The following INPP5A variants were observed in gnomAD, a reference collection of about 807,000 sequenced individuals.
INPP5A encodes 43 kDa inositol polyphosphate 5-phophatase.
Under a neutral mutation model 65.2 loss-of-function variants are expected in INPP5A, and 14 were observed. That is an observed-to-expected ratio of 0.21 (90% confidence interval 0.14 to 0.34). The LOEUF (loss-of-function observed/expected upper bound fraction) is 0.34, where lower values mean the gene tolerates loss of function less well. Among genes scored for constraint, INPP5A ranks in the 10% least tolerant of loss-of-function variants. INPP5A has a pLI of 1.00. For synonymous variants in INPP5A, 207 were observed against 208.3 expected, an observed-to-expected ratio of 0.99 and a Z score of 0.05; for missense variants, 431 against 545.6, an observed-to-expected ratio of 0.79 and a Z score of 2.09.
intron 1 of INPP5A, among the ~76,000 whole-genome samples, chr10:132,573,580 G>A (rs1410197465): frequency 5.3e-5 from 7 of 130,986 alleles, no homozygotes; most frequent in South Asian, 2.6e-4. Context: ...TGAGATGTTG[G>A]GGTGTGTGTG....
chr10:132,755,729 C>A (rs1217446238), intron 11 of INPP5A, among the ~76,000 whole-genome samples: 2 of 151,990 alleles, frequency 1.3e-5, no homozygotes, highest in Non-Finnish European at 2.9e-5. Flanking sequence ...TTTAGGCAGA[C>A]CCTAGCGGCA....
At chr10:132,606,608 C>T (rs1245936103) in intron 1 of INPP5A, among the ~76,000 whole-genome samples, 1 of 152,226 alleles carries the variant, frequency 6.6e-6, no homozygotes, top group East Asian at 1.9e-4. Context: ...ATTCAGTCTT[C>T]CTGCTTTTTA....
intron 1 of INPP5A, among the ~76,000 whole-genome samples, chr10:132,558,296 TG>T (rs2071154210): frequency 1.3e-5 from 2 of 152,156 alleles, no homozygotes; most frequent in African/African-American, 2.4e-5. Context: ...GAGCACGCTC[TG>T]GGGCTCTCCC....
At chr10:132,634,036 T>C (rs954695012) in intron 2 of INPP5A, among the ~76,000 whole-genome samples, 1 of 152,238 alleles carries the variant, frequency 6.6e-6, no homozygotes, top group Non-Finnish European at 1.5e-5. Context: ...TTTCAAAGAA[T>C]ACAGACCCTA....
chr10:132,756,080 T>G (rs1846603689), intron 11 of INPP5A, among the ~76,000 whole-genome samples: 1 of 152,050 alleles, frequency 6.6e-6, no homozygotes, highest in South Asian at 2.1e-4. Flanking sequence ...GATTTGCAGC[T>G]CAGAAGTAAA....
At chr10:132,737,146 G>A (rs1004889462) in intron 9 of INPP5A, among the ~76,000 whole-genome samples, 4 of 152,228 alleles carry the variant, frequency 2.6e-5, no homozygotes, top group South Asian at 2.1e-4. Context: ...TGCAGTCGGC[G>A]CAGCCCTCCA....
rs138330247 is a variant in INPP5A, at chr10:132,761,103, C to T, written c.904-4670C>T. 2.1e-3 allele frequency among the ~76,000 whole-genome samples: 324 copies of T among 152,336 alleles called. 2 individuals carry two copies. Among genetic ancestry groups the T allele is most frequent in the Middle Eastern group, 3.4e-3 (1 of 294 alleles). The stretch of plus-strand genomic sequence containing the variant: ...GCTGGGACCGCCAGGCTTCGTGCCA[C>T]GTCTGGTTCGACCTCGACTCCCTGG... On this transcript the variant is annotated intron_variant, in intron 11 of 15. Coordinates refer to ENST00000368594, the MANE Select transcript of INPP5A (RefSeq NM_005539.5).
chr10:132,596,935 G>GCACATGTGTGCGTGTGTGCGCA (rs2071705298), intron 1 of INPP5A, among the ~76,000 whole-genome samples: 5 of 26,028 alleles, frequency 1.9e-4, no homozygotes, highest in African/African-American at 4.0e-4. Context: ...GCATGTGCAC[G>GCACATGTGTGCGTGTGTGCGCA]CATGTGTGCG....
chr10:132,731,788 G>A lies in INPP5A; in HGVS notation c.732+4883G>A, dbSNP rs911320016. 5.3e-5 allele frequency among the ~76,000 whole-genome samples: 8 copies of A among 152,212 alleles called. No individual in the cohort carries two copies. In the South Asian group the frequency reaches 6.2e-4, roughly 12 times the overall value. ...GCAGAACTCAGTGTTCACACGAATC[G>A]GCAGAAGGAAAGCCGCATGTGCTCT... On this transcript the variant is annotated intron_variant, in intron 9 of 15. Transcript: ENST00000368594.
intron 9 of INPP5A, among the ~76,000 whole-genome samples, chr10:132,745,895 CGAG>C (rs1190214346): frequency 6.6e-6 from 1 of 152,186 alleles, no homozygotes. Flanking sequence ...TGGTGGCCCC[CGAG>C]GAGGAGTGTG....
intron 9 of INPP5A, among the ~76,000 whole-genome samples, chr10:132,738,794 C>T (rs893610428): frequency 2.6e-5 from 4 of 152,288 alleles, no homozygotes; most frequent in East Asian, 1.9e-4. Context: ...GGAGGCCACT[C>T]GGATGCTGAC....
chr10:132,576,123 C>T (rs974669185), intron 1 of INPP5A, among the ~76,000 whole-genome samples: 6 of 152,206 alleles, frequency 3.9e-5, no homozygotes, highest in African/African-American at 1.4e-4. Context: ...GATCACGGCC[C>T]AGCCCTGGGC....
chr10:132,690,202 G>C (rs1045086960), intron 4 of INPP5A, among the ~76,000 whole-genome samples, 190 bp from the exon 5 acceptor site: 2 of 152,286 alleles, frequency 1.3e-5, no homozygotes, highest in African/African-American at 4.8e-5. Context: ...CATGCCTGGA[G>C]CTTGGTGGAG....
chr10:132,573,475 G>A (rs1309670129), intron 1 of INPP5A, among the ~76,000 whole-genome samples: 2 of 112,290 alleles, frequency 1.8e-5, no homozygotes, highest in African/African-American at 4.0e-5. Context: ...ATGTTGGGGT[G>A]TACGTGCCGT....
intron 11 of INPP5A, among the ~76,000 whole-genome samples, chr10:132,760,740 G>T (rs1047724360): frequency 6.6e-6 from 1 of 152,192 alleles, no homozygotes; most frequent in Admixed American, 6.5e-5. Context: ...CCAGGTCAAG[G>T]CAGGAGGACG....
intron 1 of INPP5A, among the ~76,000 whole-genome samples, chr10:132,598,223 C>T (rs1409204044): frequency 6.6e-6 from 1 of 152,182 alleles, no homozygotes; most frequent in African/African-American, 2.4e-5. Flanking sequence ...TGGAGATTAC[C>T]TCCACCTTTT....
At chr10:132,729,043 C>T (rs987401810) in intron 9 of INPP5A, among the ~76,000 whole-genome samples, 2 of 145,122 alleles carry the variant, frequency 1.4e-5, no homozygotes, top group East Asian at 3.9e-4. Context: ...GACTCCAGGG[C>T]CTGTGGGGCT....
rs1347912984 is a variant in INPP5A, at chr10:132,706,860, C to G, written c.475-1453C>G. Among the ~76,000 whole-genome samples, 1 of 152,188 alleles carries G rather than the reference C, an allele frequency of 6.6e-6. No homozygotes were observed. The highest frequency in any genetic ancestry group is 1.5e-5 in the Non-Finnish European group (1 of 68,034). ...GAAGGAGACAGGGCTGCAGGAGCCACTGTGCTGCCAGGTGCCGCCAACAGG... is the reference window on the plus strand; with the variant it reads ...GAAGGAGACAGGGCTGCAGGAGCCAGTGTGCTGCCAGGTGCCGCCAACAGG... On this transcript the variant is annotated intron_variant, in intron 6 of 15. Coordinates refer to ENST00000368594, the MANE Select transcript of INPP5A (RefSeq NM_005539.5). This position sits in a 1 kb window ranked among gnomAD's most constrained non-coding sequence, Gnocchi z 4.7.
At chr10:132,738,190 C>T (rs1266220387) in intron 9 of INPP5A, among the ~76,000 whole-genome samples, 1 of 152,128 alleles carries the variant, frequency 6.6e-6, no homozygotes, top group Non-Finnish European at 1.5e-5. Flanking sequence ...CTCTGACTGC[C>T]CTTGGTTTAA....
Sources: gnomAD v4.1 joint callset for allele counts (sites outside exome capture counted in the v4.1 genomes callset) on GRCh38, gnomAD v4.1.1 for gene constraint, Gnocchi (gnomAD v3.1) non-coding constraint, MANE v1.5 for transcripts, NCBI Gene and HGNC (gene_info 2026-07-23, HGNC 2026-07-21) for gene names.